Variants in TMEM132B observed in about 807,000 individuals in gnomAD.
TMEM132B encodes the protein transmembrane protein 132B.
TMEM132B carries 18 observed loss-of-function variants against 90.8 expected under a neutral mutation model. That is an observed-to-expected ratio of 0.20 (90% CI 0.14 to 0.29). The LOEUF (loss-of-function observed/expected upper bound fraction) is 0.29. Among genes scored for constraint, TMEM132B ranks in the 10% least tolerant of loss-of-function variants. The probability of loss-of-function intolerance (pLI) is 1.00; values close to 1 mark genes in which losing one functional copy is unlikely to be tolerated. For synonymous variants in TMEM132B, 504 were observed against 523.3 expected, an observed-to-expected ratio of 0.96 and a Z score of 0.50; for missense variants, 1,096 against 1,326.8, an observed-to-expected ratio of 0.83 and a Z score of 2.70.
At chr12:125,202,794 GA>G (rs1027035821) in intron 1 of TMEM132B, among the ~76,000 whole-genome samples, 5 of 152,342 alleles carry the variant, frequency 3.3e-5, no homozygotes, top group African/African-American at 1.2e-4. Flanking sequence ...GCCTGAGAAT[GA>G]AGCAGGATGG....
intron 3 of TMEM132B, among the ~76,000 whole-genome samples, chr12:125,462,790 A>G (rs998116606): frequency 1.3e-5 from 2 of 152,206 alleles, no homozygotes; most frequent in Non-Finnish European, 2.9e-5. Flanking sequence ...TTCTCTCTGG[A>G]AGAAAACTTG....
chr12:125,326,005 C>G (rs1876552909), intron 1 of TMEM132B, among the ~76,000 whole-genome samples: 1 of 152,196 alleles, frequency 6.6e-6, no homozygotes, highest in Admixed American at 6.5e-5. Flanking sequence ...GGCCCTGCAG[C>G]TCTGAGCTCC....
intron 1 of TMEM132B, among the ~76,000 whole-genome samples, chr12:125,342,984 T>C (rs538201379): frequency 3.3e-5 from 5 of 152,320 alleles, no homozygotes; most frequent in Admixed American, 3.3e-4. Context: ...GCTACCTTTC[T>C]TTTTTGATTC....
chr12:125,547,644 C>T (rs1465745796), intron 4 of TMEM132B, among the ~76,000 whole-genome samples: 1 of 152,130 alleles, frequency 6.6e-6, no homozygotes, highest in Non-Finnish European at 1.5e-5. Flanking sequence ...GGTTTTGCTG[C>T]TTTTTAAGCC....
At chr12:125,291,668 C>T (rs1230177547) in intron 1 of TMEM132B, among the ~76,000 whole-genome samples, 3 of 152,154 alleles carry the variant, frequency 2.0e-5, no homozygotes, top group Non-Finnish European at 4.4e-5. Flanking sequence ...TCAGGGCATG[C>T]CTTGACTTCA....
chr12:125,353,920 GA>G (rs1056903067), intron 2 of TMEM132B, among the ~76,000 whole-genome samples: 9 of 152,248 alleles, frequency 5.9e-5, no homozygotes, highest in African/African-American at 2.2e-4. Flanking sequence ...TTTTCCCTAA[GA>G]AGTTAATTTT....
intron 1 of TMEM132B, among the ~76,000 whole-genome samples, chr12:125,318,538 C>T (rs1876345901): frequency 6.6e-6 from 1 of 152,074 alleles, no homozygotes; most frequent in Admixed American, 6.5e-5. Context: ...CTGACAGGCC[C>T]CAGTGTGTGT....
At chr12:125,342,715 C>T (rs749608941) in intron 1 of TMEM132B, among the ~76,000 whole-genome samples, 37 of 152,174 alleles carry the variant, frequency 2.4e-4, no homozygotes, top group Non-Finnish European at 4.3e-4. Flanking sequence ...ATATCTGCTT[C>T]CTGTTCCTGT....
chr12:125,455,661 A>G lies in TMEM132B; in HGVS notation c.1106+39984A>G, dbSNP rs1015224881. ...GTTGTCCAGGGATGGATTATCTTCAAGGGTTGGATTTTTTTTTTTTTTTAA... is the reference window on the plus strand; with the variant it reads ...GTTGTCCAGGGATGGATTATCTTCAGGGGTTGGATTTTTTTTTTTTTTTAA... On this transcript the variant is annotated intron_variant, in intron 3 of 8. Transcript: ENST00000682704. Among the ~76,000 whole-genome samples, 15 of 150,970 alleles carry G rather than the reference A, an allele frequency of 9.9e-5. No homozygotes were observed. The South Asian group carries it at 1.5e-3, about 15-fold the overall frequency.
intron 1 of TMEM132B, among the ~76,000 whole-genome samples, chr12:125,187,540 A>G (rs1404288272): frequency 6.6e-6 from 1 of 152,240 alleles, no homozygotes; most frequent in Admixed American, 6.5e-5. Flanking sequence ...CAAGCAGTCC[A>G]GGACGCGCCG....
intron 1 of TMEM132B, among the ~76,000 whole-genome samples, chr12:125,220,966 G>A (rs868688897): frequency 2.0e-5 from 3 of 152,214 alleles, no homozygotes; most frequent in Non-Finnish European, 2.9e-5. Context: ...GCCTTTGCAC[G>A]TGCAATTCTG....
chr12:125,316,575 T>C (rs542413418), intron 1 of TMEM132B, among the ~76,000 whole-genome samples: 19 of 23,368 alleles, frequency 8.1e-4, no homozygotes, highest in Non-Finnish European at 7.1e-4. Context: ...GAAGCTATTT[T>C]CTAGAAGGTG....
intron 3 of TMEM132B, among the ~76,000 whole-genome samples, chr12:125,448,134 G>C (rs1388843434): frequency 6.6e-6 from 1 of 151,992 alleles, no homozygotes; most frequent in Non-Finnish European, 1.5e-5. Flanking sequence ...CATGATGGTG[G>C]GTTCCTGTAA....
intron 2 of TMEM132B, among the ~76,000 whole-genome samples, chr12:125,398,908 C>A (rs1282702379): frequency 2.0e-5 from 3 of 152,116 alleles, no homozygotes; most frequent in Non-Finnish European, 4.4e-5. Context: ...ATCTGGAGGC[C>A]CAACTGGTGA....
intron 1 of TMEM132B, among the ~76,000 whole-genome samples, chr12:125,237,466 T>A (rs1312292642): frequency 1.3e-5 from 2 of 152,204 alleles, no homozygotes; most frequent in East Asian, 3.8e-4. Context: ...TTTTATTTTT[T>A]TGAGAAGGGC....
At chr12:125,288,056 T>G (rs1046216309) in intron 1 of TMEM132B, among the ~76,000 whole-genome samples, 1 of 151,902 alleles carries the variant, frequency 6.6e-6, no homozygotes, top group African/African-American at 2.4e-5. Flanking sequence ...GTATTTTTAG[T>G]AGAGACGGGG....
intron 1 of TMEM132B, among the ~76,000 whole-genome samples, chr12:125,324,330 A>G (rs1023538071): frequency 6.6e-6 from 1 of 152,160 alleles, no homozygotes; most frequent in African/African-American, 2.4e-5. Context: ...AGAAAGGTGC[A>G]AGTAGAATTA....
intron 2 of TMEM132B, among the ~76,000 whole-genome samples, chr12:125,414,004 G>T (rs560311227): frequency 4.3e-4 from 66 of 152,280 alleles, no homozygotes; most frequent in African/African-American, 1.6e-3. Context: ...CCAGCACTTA[G>T]TATCTGTCTT....
chr12:125,208,566 T>G (rs1389522696), intron 1 of TMEM132B, among the ~76,000 whole-genome samples: 1 of 152,236 alleles, frequency 6.6e-6, no homozygotes, highest in Non-Finnish European at 1.5e-5. Flanking sequence ...TGTGTCTGGC[T>G]TCTTTCTCAT....
Sources: gnomAD v4.1 joint callset for allele counts (sites outside exome capture counted in the v4.1 genomes callset) on GRCh38, gnomAD v4.1.1 for gene constraint, MANE v1.5 for transcripts, NCBI Gene and HGNC (gene_info 2026-07-23, HGNC 2026-07-21) for gene names.